Variants in MGAT5B observed in about 807,000 individuals in gnomAD.
MGAT5B encodes N-acetylglucosaminyl-transferase Vb.
Under a neutral mutation model 95.1 loss-of-function variants are expected in MGAT5B, and 54 were observed. The observed-to-expected ratio is 0.57, with a 90% CI of 0.46 to 0.71. MGAT5B has a LOEUF of 0.71. MGAT5B is among the 30% of genes least tolerant of loss of function. The pLI, the probability that MGAT5B is intolerant of heterozygous loss-of-function variation, is 0.00. For synonymous variants in MGAT5B, 464 were observed against 451.0 expected, an observed-to-expected ratio of 1.03 and a Z score of -0.36; for missense variants, 935 against 1,088.6, an observed-to-expected ratio of 0.86 and a Z score of 1.99.
chr17:76,880,102 G>A (rs1399090031), intron 2 of MGAT5B, among the ~76,000 whole-genome samples: 1 of 152,122 alleles, frequency 6.6e-6, no homozygotes, highest in Non-Finnish European at 1.5e-5. Flanking sequence ...GGGTGGGGAG[G>A]AAATATGCCC....
Position 76,912,612 on chromosome 17 carries a change from C to T in MGAT5B, c.1025+6425C>T, listed in dbSNP as rs1428032231. Among the ~76,000 whole-genome samples the T allele has an allele frequency of 2.6e-5, 4 of 152,062 alleles. No homozygotes were observed. Among genetic ancestry groups the T allele is most frequent in the African/African-American group, 9.7e-5 (4 of 41,382 alleles). On this transcript the variant is annotated intron_variant, in intron 8 of 17. Transcript: ENST00000569840. The surrounding 1 kb of genome is among the most constrained non-coding windows in gnomAD (Gnocchi z 5.0). The stretch of plus-strand genomic sequence containing the variant: ...ACAAGGCTGGACGGATGAGCCGGTC[C>T]CGCTCTGCTCCTCGGGTCTCGGTGT...
chr17:76,909,654 T>C (rs977914041), intron 8 of MGAT5B, among the ~76,000 whole-genome samples: 6 of 152,194 alleles, frequency 3.9e-5, no homozygotes, highest in African/African-American at 1.4e-4. Flanking sequence ...CTTTCTTCGC[T>C]GCAACTCAGA....
chr17:76,937,825 G>A (rs1413728041), intron 12 of MGAT5B, among the ~76,000 whole-genome samples, 163 bp from the exon 13 acceptor site: 2 of 152,158 alleles, frequency 1.3e-5, no homozygotes, highest in Non-Finnish European at 2.9e-5. Context: ...AGGTTTTCAG[G>A]GCCAGAGAGG....
rs79843406 is a variant in MGAT5B at position 76,926,588 on chromosome 17, G to C, written c.1158-9G>C. 77 of 1,606,714 alleles carry C rather than the reference G, an allele frequency of 4.8e-5. No homozygotes were observed. The Middle Eastern group carries it at 8.5e-4, about 18-fold the overall frequency. ...GCTGACCCTGGTTCCTGGTCCCCTG[G>C]GGGGGCAGGTGCCGAATCAGGGTCA... is the stretch of plus-strand genomic sequence containing the variant. On this transcript the variant is annotated splice_polypyrimidine_tract_variant and intron_variant, in intron 9 of 17. Transcript: ENST00000569840.
At position 76,945,801 on chromosome 17, in the gene MGAT5B, C is replaced by T. The variant is rs980573275; in HGVS notation, c.1849-575C>T. On this transcript the variant is annotated intron_variant, in intron 15 of 17. Transcript: ENST00000569840. ...CTATTTCCTGAGCACCCACTGTATG[C>T]CAGGCACTGTGCCAGGCACTGGAGA... 2.6e-5 allele frequency among the ~76,000 whole-genome samples: 4 copies of T among 152,182 alleles called. No individual in the cohort carries two copies. The South Asian group carries it at 6.2e-4, about 24-fold the overall frequency.
chr17:76,932,912 C>T (rs1273102746), intron 11 of MGAT5B, 137 bp downstream of exon 11: 1 of 1,364,004 alleles, frequency 7.3e-7, no homozygotes, highest in African/African-American at 1.5e-5. Flanking sequence ...CTCCCATGAA[C>T]CAGTTCAGGA....
chr17:76,883,345 A>C (rs191293952), intron 3 of MGAT5B, among the ~76,000 whole-genome samples: 1 of 152,166 alleles, frequency 6.6e-6, no homozygotes. Context: ...GTTGAGGGGC[A>C]TGTGTGGATA....
chr17:76,942,174 C>T (rs542776273), intron 15 of MGAT5B, among the ~76,000 whole-genome samples: 136 of 152,336 alleles, frequency 8.9e-4, no homozygotes, highest in Non-Finnish European at 1.4e-3. Flanking sequence ...TAGCTCTCAA[C>T]GCAGTGTTGT....
intron 6 of MGAT5B, among the ~76,000 whole-genome samples, 159 bp downstream of exon 6, chr17:76,904,581 C>G (rs1355294323): frequency 2.0e-5 from 3 of 152,228 alleles, no homozygotes; most frequent in African/African-American, 7.2e-5. Flanking sequence ...GGGAGGCCAG[C>G]CTGCCAAGGC....
intron 13 of MGAT5B, among the ~76,000 whole-genome samples, chr17:76,939,872 G>A (rs546637102): frequency 5.3e-5 from 8 of 152,164 alleles, no homozygotes; most frequent in African/African-American, 1.4e-4. Flanking sequence ...TTATGTCTGC[G>A]TAGTATCTTA....
At chr17:76,885,397 C>A (rs1320527674) in intron 3 of MGAT5B, among the ~76,000 whole-genome samples, 2 of 152,194 alleles carry the variant, frequency 1.3e-5, no homozygotes, top group Admixed American at 1.3e-4. Flanking sequence ...CAGGAGCAGG[C>A]CTTTTTGGTC....
Position 76,878,091 on chromosome 17 carries a change from T to A in MGAT5B, c.182-4060T>A, listed in dbSNP as rs557795618. On this transcript the variant is annotated intron_variant, in intron 2 of 17. Transcript: ENST00000569840. ...TGGTGAAGTGACTCTGGGGAAGCGATGTCAGCTTGCTCTGCTGACAGTCCC... is the reference window on the plus strand; with the variant it reads ...TGGTGAAGTGACTCTGGGGAAGCGAAGTCAGCTTGCTCTGCTGACAGTCCC... Among the ~76,000 whole-genome samples the A allele has an allele frequency of 5.3e-5, 8 of 152,326 alleles. No individual in the cohort carries two copies. In the East Asian group the frequency reaches 1.5e-3, roughly 29 times the overall value.
At position 76,872,885 on chromosome 17, in the gene MGAT5B, T is replaced by C; in HGVS notation, c.103T>C (p.Cys35Arg). 6.2e-7 allele frequency: 1 copy of C among 1,614,236 alleles called. No homozygotes were observed. The highest frequency in any genetic ancestry group is 8.5e-7 in the Non-Finnish European group (1 of 1,180,040). ...FVLGIGFFTLCFLMTSLGGQF... is the reference protein window; with the variant it reads ...FVLGIGFFTLRFLMTSLGGQF... ...CCTGGGCATCGGCTTCTTCACTCTC[T>C]GCTTCCTGATGACGTCTCTGGGAGG... Residue 35 changes from cysteine (C) to arginine (R), a missense_variant, in exon 2 of 18, where the codon TGC becomes CGC. By Grantham distance (180) the Cys-to-Arg change is radical. Transcript: ENST00000569840.
chr17:76,919,013 C>T (rs868374369), intron 8 of MGAT5B, among the ~76,000 whole-genome samples: 2 of 152,252 alleles, frequency 1.3e-5, no homozygotes, highest in African/African-American at 2.4e-5. Flanking sequence ...TAGAAGAGAC[C>T]GTGGAGATTT....
Position 76,903,350 on chromosome 17 carries a change from T to G in MGAT5B, c.493T>G (p.Phe165Val). 6.2e-7 allele frequency: 1 copy of G among 1,611,008 alleles called. No homozygotes were observed. Among genetic ancestry groups the G allele is most frequent in the Non-Finnish European group, 8.5e-7 (1 of 1,178,606 alleles). The stretch of plus-strand genomic sequence containing the variant: ...GTGTGAGGCACCCAGTGACCCCAAG[T>G]TCCCTGACTGCTCAGGGAAGGTGGA... ...DQCEAPSDPK[F>V]PDCSGKVEWM... The change falls in exon 5 of 18, where the codon TTC (phenylalanine) becomes GTC (valine). Residue 165 changes from phenylalanine to valine, a missense_variant. This residue lies in a region of MGAT5B where 243 missense variants were observed against 305.5 expected (regional missense o/e 0.80). Transcript: ENST00000569840.
At chr17:76,898,897 G>A (rs1049907345) in intron 3 of MGAT5B, among the ~76,000 whole-genome samples, 3 of 152,190 alleles carry the variant, frequency 2.0e-5, no homozygotes, top group Non-Finnish European at 2.9e-5. Flanking sequence ...CCTAAGTGAT[G>A]GAGCCCCGAG....
At chr17:76,886,873 G>A (rs146911258) in intron 3 of MGAT5B, among the ~76,000 whole-genome samples, 12 of 152,216 alleles carry the variant, frequency 7.9e-5, no homozygotes, top group South Asian at 2.1e-4. Context: ...ATGAAACCCC[G>A]TCTCTACTAA....
chr17:76,921,617 G>A (rs1969126809), intron 8 of MGAT5B, among the ~76,000 whole-genome samples: 1 of 152,082 alleles, frequency 6.6e-6, no homozygotes, highest in African/African-American at 2.4e-5. Context: ...GGCCTGTGCT[G>A]GAGAGGCTGC....
intron 3 of MGAT5B, among the ~76,000 whole-genome samples, chr17:76,900,644 G>A (rs1424912399): frequency 3.3e-5 from 5 of 152,230 alleles, no homozygotes; most frequent in East Asian, 1.9e-4. Context: ...TAAAGGCGCC[G>A]GCCCTGCTGC....
Sources: allele counts gnomAD v4.1 joint callset (sites outside exome capture counted in the v4.1 genomes callset), GRCh38; gene constraint gnomAD v4.1.1; regional missense constraint gnomAD v4.1.1; non-coding constraint Gnocchi (gnomAD v3.1); transcripts MANE v1.5; gene names NCBI Gene and HGNC (gene_info 2026-07-23, HGNC 2026-07-21).